The following TRPA1 variants were observed in gnomAD, a reference collection of about 807,000 sequenced individuals.
TRPA1 encodes the protein transient receptor potential cation channel subfamily A member 1.
A neutral mutation model predicts 131.3 loss-of-function variants in TRPA1; 129 were observed. The ratio of observed to expected loss-of-function variants is 0.98; its 90% CI spans 0.85 to 1.14. TRPA1 has a LOEUF of 1.14. Ranked by LOEUF, TRPA1 falls within the 50% of genes most tolerant of loss-of-function variation. TRPA1 has a pLI of 0.00. For synonymous variants in TRPA1, 441 were observed against 451.7 expected (o/e 0.98, Z 0.30); for missense variants, 1,304 against 1,354.2 (o/e 0.96, Z 0.58).
intron 16 of TRPA1, 146 bp downstream of exon 16, chr8:72,047,002 T>C (rs1464104980): frequency 1.5e-6 from 1 of 645,314 alleles, no homozygotes. Context: ...GGAAAAATTC[T>C]CTCACAAGTA....
Position 72,056,933 on chromosome 8 carries a change from C to G in TRPA1, c.1178G>C (p.Arg393Pro). The stretch of plus-strand genomic sequence containing the variant: ...ATACATTACCTGCATAAATTCAGGT[C>G]GCAGATTTTTTAATCCATAAGGTTG... Reference protein sequence around the residue: ...VQQPYGLKNLRPEFMQMQQIK... With the variant: ...VQQPYGLKNLPPEFMQMQQIK... Residue 393 changes from arginine to proline, a missense_variant, in exon 10 of 27, where the codon CGA (arginine) becomes CCA (proline). By Grantham distance (103) the Arg-to-Pro change is moderately radical (BLOSUM62 -2). Transcript: ENST00000262209. 2 of 1,607,938 alleles carry G rather than the reference C, an allele frequency of 1.2e-6. No individual in the cohort carries two copies. The highest frequency in any genetic ancestry group is 1.7e-6 in the Non-Finnish European group (2 of 1,177,412).
At chr8:72,054,392 T>G (rs1304158276) in intron 12 of TRPA1, 1 of 154,432 alleles carries the variant, frequency 6.5e-6, no homozygotes, top group Non-Finnish European at 1.4e-5. Context: ...TTCCCTCTTG[T>G]GCTCTGAAAA....
intron 15 of TRPA1, among the ~76,000 whole-genome samples, chr8:72,050,284 T>C (rs1805467811): frequency 6.6e-6 from 1 of 152,104 alleles, no homozygotes; most frequent in Non-Finnish European, 1.5e-5. Context: ...GTCCCATCCA[T>C]GGGAAGCAGC....
intron 24 of TRPA1, among the ~76,000 whole-genome samples, chr8:72,029,458 C>T (rs560246523): frequency 6.6e-6 from 1 of 152,268 alleles, no homozygotes; most frequent in South Asian, 2.1e-4. Context: ...TGTGACTCCT[C>T]AGGATTAAGA....
intron 17 of TRPA1, among the ~76,000 whole-genome samples, chr8:72,045,172 C>CAGCAATGG (rs1226196561): frequency 1.3e-5 from 2 of 151,882 alleles, no homozygotes; most frequent in Non-Finnish European, 2.9e-5. Flanking sequence ...AAAGCGCTTA[C>CAGCAATGG]AGCAATGGTT....
At chr8:72,056,309 A>G (rs1370283580) in intron 10 of TRPA1, 2 of 178,050 alleles carry the variant, frequency 1.1e-5, no homozygotes, top group African/African-American at 2.4e-5. Flanking sequence ...TAAAAAATGA[A>G]TGATAAATGA....
At chr8:72,068,941 T>C in intron 3 of TRPA1, 82 bp downstream of exon 3, 3 of 1,460,376 alleles carry the variant, frequency 2.1e-6, no homozygotes, top group South Asian at 1.1e-5. Context: ...GTGCTCATCC[T>C]GGTGCAAGCA....
the TRPA1 span, among the ~76,000 whole-genome samples, chr8:72,085,501 T>G: frequency 0.32 from 48,253 of 151,104 alleles, 8,360 homozygotes; most frequent in African/African-American, 0.46. Context: ...CTAATCAATA[T>G]GAAATATATA....
the TRPA1 span, among the ~76,000 whole-genome samples, chr8:72,084,255 T>G: frequency 6.6e-6 from 1 of 152,008 alleles, no homozygotes; most frequent in South Asian, 2.1e-4. Flanking sequence ...TTCTGTCTTT[T>G]TGAGTCAAAT....
intron 13 of TRPA1, 79 bp from the exon 14 acceptor site, chr8:72,052,844 A>T: frequency 6.6e-7 from 1 of 1,525,982 alleles, no homozygotes; most frequent in Non-Finnish European, 9.0e-7. Context: ...TGCTTAAAAG[A>T]CATTAGCGAC....
chr8:72,057,863 A>G (rs772843703), intron 8 of TRPA1, 47 bp from the exon 9 acceptor site: 6 of 1,357,208 alleles, frequency 4.4e-6, no homozygotes, highest in Admixed American at 3.4e-5. Flanking sequence ...AAACAGATAA[A>G]TCATAATATA....
chr8:72,033,922 C>G, intron 22 of TRPA1, 96 bp from the exon 23 acceptor site: 1 of 1,248,744 alleles, frequency 8.0e-7, no homozygotes, highest in Non-Finnish European at 1.2e-6. Flanking sequence ...ATTCAGAATA[C>G]TTTTTTAAAG....
At chr8:72,075,641 G>C (rs1806163907), upstream of TRPA1, 2 of 558,596 alleles carry the variant, frequency 3.6e-6, no homozygotes, top group Admixed American at 6.1e-5. Context: ...GGGGCGCGGA[G>C]AGGAGGTAGA....
intron 17 of TRPA1, among the ~76,000 whole-genome samples, chr8:72,041,761 GAA>G (rs1262871397): frequency 1.3e-5 from 2 of 151,550 alleles, no homozygotes; most frequent in Non-Finnish European, 3.0e-5. Context: ...TATAAAAGAA[GAA>G]AGATTTTAAA....
At chr8:72,055,377 A>G (rs1585874882) in intron 12 of TRPA1, 59 bp downstream of exon 12, 1 of 1,410,486 alleles carries the variant, frequency 7.1e-7, no homozygotes, top group Non-Finnish European at 1.0e-6. Flanking sequence ...TAATGAAAAG[A>G]TAGCCTGAAA....
intron 22 of TRPA1, 54 bp from the exon 23 acceptor site, chr8:72,033,880 G>T: frequency 6.5e-7 from 1 of 1,533,998 alleles, no homozygotes; most frequent in Non-Finnish European, 9.0e-7. Context: ...CAATGAAAAA[G>T]TGTTTCCTGG....
intron 8 of TRPA1, 99 bp downstream of exon 8, chr8:72,059,291 T>C: frequency 1.2e-6 from 1 of 834,884 alleles, no homozygotes; most frequent in East Asian, 2.7e-5. Flanking sequence ...AAGCAAGAAA[T>C]CAAAATTTGC....
At chr8:72,063,922 A>G (rs1805869952) in intron 4 of TRPA1, among the ~76,000 whole-genome samples, 1 of 152,198 alleles carries the variant, frequency 6.6e-6, no homozygotes, top group Non-Finnish European at 1.5e-5. Flanking sequence ...ATAAAGTGAT[A>G]TATCCTAGAT....
At position 72,062,833 on chromosome 8, in the gene TRPA1, C is replaced by G; in HGVS notation, c.773G>C (p.Cys258Ser). ...GTCTATTTGTGCACCATTGTCCAGG[C>G]ACATTTTGATCATTTCCAAGTCACC... ...QNGDLEMIKMCLDNGAQIDPV... is the reference protein window; with the variant it reads ...QNGDLEMIKMSLDNGAQIDPV... The change falls in exon 6 of 27, where the codon TGC becomes TCC. Residue 258 changes from cysteine to serine, a missense_variant. Transcript: ENST00000262209. The G allele has an allele frequency of 6.2e-7, 1 of 1,614,002 alleles. No individual in the cohort carries two copies. The highest frequency in any genetic ancestry group is 8.5e-7 in the Non-Finnish European group (1 of 1,179,996).
Sources: gnomAD v4.1 joint callset for allele counts (sites outside exome capture counted in the v4.1 genomes callset) on GRCh38, gnomAD v4.1.1 for gene constraint, MANE v1.5 for transcripts, NCBI Gene and HGNC (gene_info 2026-07-23, HGNC 2026-07-21) for gene names.